The following PCDHGA4 variants were observed in gnomAD, a reference collection of about 807,000 sequenced individuals.
PCDHGA4 encodes protocadherin gamma-A4.
PCDHGA4 carries 38 observed loss-of-function variants against 54.6 expected under a neutral mutation model. The ratio of observed to expected loss-of-function variants is 0.70; its 90% CI spans 0.54 to 0.91. The LOEUF (loss-of-function observed/expected upper bound fraction) is 0.91. PCDHGA4 is among the 40% of genes least tolerant of loss of function. The probability of loss-of-function intolerance (pLI) is 0.00; values close to 1 mark genes in which losing one functional copy is unlikely to be tolerated. For missense variants in PCDHGA4, 1,298 were observed against 1,220.9 expected, an observed-to-expected ratio of 1.06 and a Z score of -0.94; for synonymous variants, 511 against 512.9, an observed-to-expected ratio of 1.00 and a Z score of 0.05.
chr5:141,410,447 C>A, intron 1 of PCDHGA4: 1 of 1,613,984 alleles, frequency 6.2e-7, no homozygotes, highest in Non-Finnish European at 8.5e-7. Context: ...GGGGACTTTG[C>A]CTTATTCTTA....
At position 141,484,105 on chromosome 5, in the gene PCDHGA4, A is replaced by G. The variant is rs548687877; in HGVS notation, c.2515-10702A>G. On this transcript the variant is annotated intron_variant, in intron 1 of 3. Coordinates refer to ENST00000571252, the MANE Select transcript of PCDHGA4 (RefSeq NM_018917.4). Reference sequence around the variant, plus strand: ...GAAATGGTCTTCGTTGGTAATTAACAAAAGATCAAGAATACCTTGGTGTCA... The same window carrying G: ...GAAATGGTCTTCGTTGGTAATTAACGAAAGATCAAGAATACCTTGGTGTCA... Among the ~76,000 whole-genome samples, 3 of 152,316 alleles carry G rather than the reference A, an allele frequency of 2.0e-5. No individual in the cohort carries two copies. In the South Asian group the frequency reaches 6.2e-4, roughly 32 times the overall value.
Position 141,510,942 on chromosome 5 carries a change from T to C in PCDHGA4, c.2663-5T>C, listed in dbSNP as rs769766039. On this transcript the variant is annotated splice_region_variant and splice_polypyrimidine_tract_variant and intron_variant, in intron 3 of 3. Transcript: ENST00000571252. ...CTCCCACCTGATCTTCCTCTGTCTCTGCAGAAGCTGCTGATGGGAGCTCCA... is the reference window on the plus strand; with the variant it reads ...CTCCCACCTGATCTTCCTCTGTCTCCGCAGAAGCTGCTGATGGGAGCTCCA... 5 of 1,613,984 alleles carry C rather than the reference T, an allele frequency of 3.1e-6. No homozygotes were observed. The highest frequency in any genetic ancestry group is 4.2e-6 in the Non-Finnish European group (5 of 1,180,014).
rs9324852 is a variant in PCDHGA4, at chr5:141,510,333, C to T, written c.2663-614C>T. On this transcript the variant is annotated intron_variant, in intron 3 of 3. Coordinates refer to ENST00000571252, the MANE Select transcript of PCDHGA4 (RefSeq NM_018917.4). ...AGGCTTGGAAGAGCACTCTTCACCC[C>T]CACCCCACACACTTACTAACGGAAC... Among the ~76,000 whole-genome samples the T allele has an allele frequency of 2.4e-3, 367 of 151,698 alleles. 1 individual carries two copies. Among genetic ancestry groups the T allele is most frequent in the African/African-American group, 8.4e-3 (348 of 41,384 alleles).
chr5:141,422,115 T>C, intron 1 of PCDHGA4: 1 of 1,605,004 alleles, frequency 6.2e-7, no homozygotes, highest in South Asian at 1.1e-5. Context: ...TCCAATTGGA[T>C]TCACAAACTG....
chr5:141,430,328 T>C (rs961978065), intron 1 of PCDHGA4, among the ~76,000 whole-genome samples: 1 of 152,036 alleles, frequency 6.6e-6, no homozygotes, highest in Non-Finnish European at 1.5e-5. Flanking sequence ...AAATCATTGT[T>C]TATAGAAACT....
chr5:141,506,506 C>T (rs1279198463), intron 3 of PCDHGA4, among the ~76,000 whole-genome samples: 2 of 151,030 alleles, frequency 1.3e-5, no homozygotes. Context: ...GATTCAAATC[C>T]TGGCACCTGG....
chr5:141,464,402 G>GAT (rs1039725208), intron 1 of PCDHGA4, among the ~76,000 whole-genome samples: 22 of 150,720 alleles, frequency 1.5e-4, no homozygotes, highest in Admixed American at 7.3e-4. Context: ...AAGAACCTGA[G>GAT]ATATATATAT....
chr5:141,412,041 T>G (rs2095531468), intron 1 of PCDHGA4: 1 of 152,108 alleles, frequency 6.6e-6, no homozygotes, highest in Non-Finnish European at 1.5e-5. Context: ...GTGAAAGAAG[T>G]GAACTTCTAT....
intron 1 of PCDHGA4, among the ~76,000 whole-genome samples, chr5:141,380,346 GTTGT>G (rs1424822944): frequency 2.0e-5 from 3 of 152,066 alleles, no homozygotes; most frequent in Non-Finnish European, 2.9e-5. Context: ...GAACTGTTTT[GTTGT>G]TTGTTTTTTA....
At chr5:141,395,485 T>C (rs2093239128) in intron 1 of PCDHGA4, 2 of 522,170 alleles carry the variant, frequency 3.8e-6, no homozygotes, top group Non-Finnish European at 6.6e-6. Context: ...TTATTCCTAT[T>C]ATCACTCATT....
At chr5:141,375,793 C>G (rs761231690) in intron 1 of PCDHGA4, 1 of 1,614,110 alleles carries the variant, frequency 6.2e-7, no homozygotes, top group Non-Finnish European at 8.5e-7. Context: ...TCCCCACAGA[C>G]GGTTCCACTG....
rs777751826 is a variant in PCDHGA4, at chr5:141,371,625, G to T, written c.2514+14004G>T. 2.4e-5 allele frequency: 38 copies of T among 1,613,874 alleles called. No homozygotes were observed. The highest frequency in any genetic ancestry group is 3.3e-5 in the Admixed American group (2 of 60,014). ...CAGGTTGGTGACAGATGGAGCCCTG[G>T]ACCGGGAGCAGATCCCAGAATACAA... On this transcript the variant is annotated intron_variant, in intron 1 of 3. Coordinates refer to ENST00000571252, the MANE Select transcript of PCDHGA4 (RefSeq NM_018917.4).
chr5:141,362,138 T>A, intron 1 of PCDHGA4: 2 of 1,614,032 alleles, frequency 1.2e-6, no homozygotes, highest in Non-Finnish European at 1.7e-6. Flanking sequence ...GCGGATAGCC[T>A]GCAAGAGGTA....
At position 141,486,182 on chromosome 5, in the gene PCDHGA4, C is replaced by G. The variant is rs1288782056; in HGVS notation, c.2515-8625C>G. On this transcript the variant is annotated intron_variant, in intron 1 of 3. Transcript: ENST00000571252. This position sits in a 1 kb window ranked among gnomAD's most constrained non-coding sequence, Gnocchi z 5.0. ...AGCCATGGAGCAACATTGCAGCCTT[C>G]GAGTGGATCTGCTGGACGTAAATGA... 1 of 1,614,198 alleles carries G rather than the reference C, an allele frequency of 6.2e-7. No individual in the cohort carries two copies. Among genetic ancestry groups the G allele is most frequent in the Non-Finnish European group, 8.5e-7 (1 of 1,180,028 alleles).
chr5:141,374,492 G>T (rs770971184), intron 1 of PCDHGA4: 1 of 1,611,364 alleles, frequency 6.2e-7, no homozygotes, highest in Non-Finnish European at 8.5e-7. Flanking sequence ...CTTAAAGGAA[G>T]AATTGGAAGT....
intron 1 of PCDHGA4, chr5:141,440,921 G>C (rs1213425379): frequency 6.6e-6 from 1 of 152,260 alleles, no homozygotes; most frequent in Non-Finnish European, 1.5e-5. Context: ...TGTGCTGAGA[G>C]TGAGGGCCAC....
chr5:141,457,273 G>A (rs746102734), intron 1 of PCDHGA4, among the ~76,000 whole-genome samples: 7 of 152,144 alleles, frequency 4.6e-5, no homozygotes, highest in Admixed American at 1.3e-4. Context: ...CCCTCTGTGG[G>A]CCTACGAAGT....
At position 141,385,515 on chromosome 5, in the gene PCDHGA4, C is replaced by A. The variant is rs549682834; in HGVS notation, c.2514+27894C>A. On this transcript the variant is annotated intron_variant, in intron 1 of 3. Coordinates refer to ENST00000571252, the MANE Select transcript of PCDHGA4 (RefSeq NM_018917.4). ...GGATATAGTATTTCTTTAGTGAAAG[C>A]CTATGGACAAGATTATGAATATGTG... The A allele has an allele frequency of 5.6e-5, 76 of 1,362,798 alleles. No homozygotes were observed. The East Asian group carries it at 1.7e-3, about 31-fold the overall frequency. 84.4% of individuals were successfully genotyped at this position (1,362,798 alleles called of 1,614,324 possible).
rs1589038346 is a variant in PCDHGA4, at chr5:141,387,562, C to T, written c.2514+29941C>T. The T allele has an allele frequency of 6.9e-6, 3 of 437,514 alleles. No individual in the cohort carries two copies. The Admixed American group carries it at 1.2e-4, about 17-fold the overall frequency. The allele number at this position is 437,514 out of a possible 1,614,324, so 27.1% of individuals were successfully genotyped here. A position where few individuals can be genotyped will look rare whatever the true frequency, so the allele number is the denominator to read the frequency against. ...GTTTTTGTTCTTTCAGTTAGGCACA[C>T]AATTATAATTATTGCACTGGTTAAC... On this transcript the variant is annotated intron_variant, in intron 1 of 3. Transcript: ENST00000571252.
Sources: allele counts gnomAD v4.1 joint callset (sites outside exome capture counted in the v4.1 genomes callset), GRCh38; gene constraint gnomAD v4.1.1; non-coding constraint Gnocchi (gnomAD v3.1); transcripts MANE v1.5; gene names NCBI Gene and HGNC (gene_info 2026-07-23, HGNC 2026-07-21).